Variants in PCDHGA2 observed in about 807,000 individuals in gnomAD.
PCDHGA2 encodes the protein protocadherin gamma subfamily A, 2.
In PCDHGA2, 40 loss-of-function variants were observed where a neutral mutation model predicts 59.2. The ratio of observed to expected loss-of-function variants is 0.68; its 90% CI spans 0.52 to 0.88. The LOEUF is 0.88. PCDHGA2 is among the 40% of genes least tolerant of loss of function. The pLI, the probability that PCDHGA2 is intolerant of heterozygous loss-of-function variation, is 0.00. For missense variants in PCDHGA2, 1,226 were observed against 1,204.0 expected (o/e 1.02, Z -0.27); for synonymous variants, 560 against 526.0 (o/e 1.06, Z -0.89).
chr5:141,361,173 A>G, intron 1 of PCDHGA2: 2 of 1,613,958 alleles, frequency 1.2e-6, no homozygotes. Context: ...GTGCACCTGA[A>G]GTTATTGTGA....
chr5:141,505,633 A>C, intron 3 of PCDHGA2, 152 bp downstream of exon 3: 3 of 1,471,286 alleles, frequency 2.0e-6, no homozygotes, highest in South Asian at 1.3e-5. Context: ...TCCAAACATA[A>C]AGCCTGGAAT....
At chr5:141,480,195 G>A (rs1350891459) in intron 1 of PCDHGA2, among the ~76,000 whole-genome samples, 1 of 151,182 alleles carries the variant, frequency 6.6e-6, no homozygotes, top group Non-Finnish European at 1.5e-5. Context: ...CTTGAGGCCA[G>A]CAGTTCAAGA....
At chr5:141,366,747 T>G in intron 1 of PCDHGA2, 1 of 1,609,550 alleles carries the variant, frequency 6.2e-7, no homozygotes, top group Non-Finnish European at 8.5e-7. Context: ...GAACGGCGAG[T>G]TCAGGTTAGT....
chr5:141,346,139 C>T, intron 1 of PCDHGA2: 1 of 1,613,984 alleles, frequency 6.2e-7, no homozygotes, highest in Non-Finnish European at 8.5e-7. Context: ...CGGTCTCCTG[C>T]GTCTTCCTGG....
Position 141,476,540 on chromosome 5 carries a change from T to C in PCDHGA2, c.2425-18267T>C, listed in dbSNP as rs148362631. On this transcript the variant is annotated intron_variant, in intron 1 of 3. Coordinates refer to ENST00000394576, the MANE Select transcript of PCDHGA2 (RefSeq NM_018915.4). The surrounding 1 kb of genome is among the most constrained non-coding windows in gnomAD (Gnocchi z 7.6). Reference sequence around the variant, plus strand: ...TGCTTTCCCTACCCAGGAAATGAAATTGGAGATTAGCGAGGCCGTGGCTCC... The same window carrying C: ...TGCTTTCCCTACCCAGGAAATGAAACTGGAGATTAGCGAGGCCGTGGCTCC... 9.4e-5 allele frequency: 151 copies of C among 1,614,122 alleles called. 1 individual carries two copies. In the African/African-American group the frequency reaches 1.3e-3, roughly 14 times the overall value.
At position 141,431,307 on chromosome 5, in the gene PCDHGA2, A is replaced by G. The variant is rs1332508283; in HGVS notation, c.2425-63500A>G. On this transcript the variant is annotated intron_variant, in intron 1 of 3. Transcript: ENST00000394576. This position sits in a 1 kb window ranked among gnomAD's most constrained non-coding sequence, Gnocchi z 4.8. ...AACACTCACTTCTCCCTCATCGTGC[A>G]AAATGGAGCCGACGGTAGTAAGTAC... 3.7e-6 allele frequency: 6 copies of G among 1,614,002 alleles called. No homozygotes were observed. The African/African-American group carries it at 4.0e-5, about 11-fold the overall frequency.
intron 1 of PCDHGA2, chr5:141,385,358 T>G: frequency 6.5e-7 from 1 of 1,546,418 alleles, no homozygotes; most frequent in South Asian, 1.3e-5. Context: ...CCATGAGGAA[T>G]TTATTTGCAT....
chr5:141,420,238 T>C, intron 1 of PCDHGA2: 2 of 1,594,838 alleles, frequency 1.3e-6, no homozygotes, highest in South Asian at 1.1e-5. Context: ...GCATTTTAAC[T>C]CCCAGCGTTG....
intron 1 of PCDHGA2, among the ~76,000 whole-genome samples, chr5:141,457,674 A>G (rs577008886): frequency 2.9e-4 from 44 of 152,256 alleles, no homozygotes; most frequent in South Asian, 2.1e-4. Flanking sequence ...GGTTATTTCT[A>G]CATAGGACTT....
chr5:141,355,192 G>T, intron 1 of PCDHGA2: 1 of 1,592,970 alleles, frequency 6.3e-7, no homozygotes, highest in South Asian at 1.1e-5. Context: ...ACTCCGCGGC[G>T]GGGTTGTAAT....
chr5:141,433,361 A>ATCTATCTATCTC, intron 1 of PCDHGA2: 1 of 297,578 alleles, frequency 3.4e-6, no homozygotes, highest in Non-Finnish European at 6.3e-6. Context: ...CTGTCTGCCT[A>ATCTATCTATCTC]TCTATCTATC....
At chr5:141,453,909 T>C (rs1484310834) in intron 1 of PCDHGA2, among the ~76,000 whole-genome samples, 1 of 152,236 alleles carries the variant, frequency 6.6e-6, no homozygotes, top group Non-Finnish European at 1.5e-5. Flanking sequence ...TTTCAAAGTA[T>C]GTCAGTGATC....
At chr5:141,399,048 G>C (rs779434482) in intron 1 of PCDHGA2, 7 of 1,613,830 alleles carry the variant, frequency 4.3e-6, no homozygotes, top group Non-Finnish European at 5.1e-6. Flanking sequence ...ATTTTGAAGA[G>C]ACCAAGGAAT....
At chr5:141,357,190 G>C (rs1760504404) in intron 1 of PCDHGA2, 1 of 1,613,670 alleles carries the variant, frequency 6.2e-7, no homozygotes, top group Admixed American at 1.7e-5. Context: ...CACTGTGGCT[G>C]TGGCCGACAG....
chr5:141,356,912 G>A, intron 1 of PCDHGA2: 1 of 1,614,130 alleles, frequency 6.2e-7, no homozygotes, highest in Non-Finnish European at 8.5e-7. Flanking sequence ...CCTACTGATG[G>A]CTCCACTGGT....
intron 1 of PCDHGA2, chr5:141,365,186 GA>G: frequency 1.2e-6 from 2 of 1,613,880 alleles, no homozygotes; most frequent in Non-Finnish European, 1.7e-6. Flanking sequence ...CAATGAAGAA[GA>G]AAAAATTTCG....
intron 1 of PCDHGA2, chr5:141,372,459 C>CT: frequency 6.2e-7 from 1 of 1,614,070 alleles, no homozygotes; most frequent in South Asian, 1.1e-5. Context: ...GGCGGAGCTA[C>CT]AGTTTCACCT....
At chr5:141,483,100 G>A (rs1051736065) in intron 1 of PCDHGA2, among the ~76,000 whole-genome samples, 11 of 152,078 alleles carry the variant, frequency 7.2e-5, no homozygotes, top group South Asian at 2.1e-4. Flanking sequence ...AAAAGTGTGC[G>A]TGTAAAACAG....
At chr5:141,402,801 G>C (rs1218765657) in intron 1 of PCDHGA2, 6 of 1,078,624 alleles carry the variant, frequency 5.6e-6, no homozygotes, top group Middle Eastern at 3.2e-4. Flanking sequence ...CACAAAACCC[G>C]GCAGATACCA....
Sources: allele counts gnomAD v4.1 joint callset (sites outside exome capture counted in the v4.1 genomes callset), GRCh38; gene constraint gnomAD v4.1.1; non-coding constraint Gnocchi (gnomAD v3.1); transcripts MANE v1.5; gene names NCBI Gene and HGNC (gene_info 2026-07-23, HGNC 2026-07-21).